NAALADL2: variants seen among roughly 807,000 people sequenced by gnomAD.
NAALADL2 encodes inactive N-acetylated-alpha-linked acidic dipeptidase-like protein 2.
In NAALADL2, 76 loss-of-function variants were observed where a neutral mutation model predicts 87.2. That is an observed-to-expected ratio of 0.87 (90% CI 0.72 to 1.05). The LOEUF is 1.05. Ranked by LOEUF, NAALADL2 falls within the 50% of genes least tolerant of loss-of-function variation. The pLI, the probability that NAALADL2 is intolerant of heterozygous loss-of-function variation, is 0.00. For synonymous variants in NAALADL2, 354 were observed against 331.0 expected (o/e 1.07, Z -0.75); for missense variants, 1,089 against 945.8 (o/e 1.15, Z -1.99).
chr3:175,486,238 G>A (rs1274163206), intron 9 of NAALADL2, among the ~76,000 whole-genome samples: 3 of 152,070 alleles, frequency 2.0e-5, no homozygotes, highest in African/African-American at 7.2e-5. Context: ...CAGTCAAAAG[G>A]GAATAACATA....
At chr3:175,021,329 A>C (rs1431061684) in intron 1 of NAALADL2, among the ~76,000 whole-genome samples, 1 of 152,082 alleles carries the variant, frequency 6.6e-6, no homozygotes, top group Admixed American at 6.6e-5. Context: ...GTATAGTACT[A>C]TACAAAGTAT....
At chr3:175,638,163 A>G (rs1194739009) in intron 11 of NAALADL2, among the ~76,000 whole-genome samples, 1 of 147,334 alleles carries the variant, frequency 6.8e-6, no homozygotes, top group Non-Finnish European at 1.5e-5. Context: ...TCTAAATTCA[A>G]TACATAAACA....
intron 1 of NAALADL2, among the ~76,000 whole-genome samples, chr3:174,964,967 T>C (rs1742658543): frequency 6.6e-6 from 1 of 152,054 alleles, no homozygotes; most frequent in Non-Finnish European, 1.5e-5. Context: ...GTTGTATTAC[T>C]TATGTATTGC....
At chr3:175,046,305 G>A (rs1464878482) in intron 1 of NAALADL2, among the ~76,000 whole-genome samples, 3 of 152,126 alleles carry the variant, frequency 2.0e-5, no homozygotes, top group African/African-American at 7.2e-5. Flanking sequence ...TGCTAGTGAT[G>A]CAATGCTGTT....
chr3:175,025,551 A>G (rs183252827), intron 1 of NAALADL2, among the ~76,000 whole-genome samples: 193 of 152,286 alleles, frequency 1.3e-3, no homozygotes, highest in African/African-American at 4.5e-3. Flanking sequence ...GGCAACGGCT[A>G]TTGTTATCAA....
At chr3:174,974,046 T>G (rs1452537889) in intron 1 of NAALADL2, among the ~76,000 whole-genome samples, 1 of 152,222 alleles carries the variant, frequency 6.6e-6, no homozygotes, top group Non-Finnish European at 1.5e-5. Context: ...GTATTGAAAC[T>G]TTGTAAGTAT....
chr3:174,487,511 A>G (rs537066269), intron 1 of NAALADL2, among the ~76,000 whole-genome samples: 1 of 152,150 alleles, frequency 6.6e-6, no homozygotes, highest in Non-Finnish European at 1.5e-5. Flanking sequence ...CACGTGAAGT[A>G]TACAAGAAAA....
Position 175,517,403 on chromosome 3 carries a change from G to C in NAALADL2, c.1653+45645G>C, listed in dbSNP as rs140936423. Among the ~76,000 whole-genome samples, 374 of 152,104 alleles carry C rather than the reference G, an allele frequency of 2.5e-3. 6 individuals are homozygous for C. The highest frequency in any genetic ancestry group is 0.014 in the East Asian group (75 of 5,174). ...TCAAAATATTTTTTTCTTTATTCAT[G>C]TCAATTTAGAAAATATTTTTTCTTA... is the stretch of plus-strand genomic sequence containing the variant. On this transcript the variant is annotated intron_variant, in intron 9 of 13. Coordinates refer to ENST00000454872, the MANE Select transcript of NAALADL2 (RefSeq NM_207015.3).
chr3:174,796,687 AC>A (rs1355144771), intron 3 of NAALADL2, among the ~76,000 whole-genome samples: 5 of 50,104 alleles, frequency 1.0e-4, no homozygotes, highest in Non-Finnish European at 2.1e-4. Context: ...AAATATGAGT[AC>A]ATGTCTCTTT....
At chr3:175,685,254 C>T (rs1426663926) in intron 11 of NAALADL2, among the ~76,000 whole-genome samples, 1 of 152,108 alleles carries the variant, frequency 6.6e-6, no homozygotes, top group African/African-American at 2.4e-5. Flanking sequence ...TAGCCATGCC[C>T]ATCAGCTTTC....
intron 2 of NAALADL2, among the ~76,000 whole-genome samples, chr3:174,700,086 T>C (rs1256681280): frequency 6.6e-6 from 1 of 150,626 alleles, no homozygotes; most frequent in Non-Finnish European, 1.5e-5. Flanking sequence ...AGATTTCTCT[T>C]AATTATTCTG....
At chr3:175,264,649 ATAAAT>A (rs1488880274) in intron 4 of NAALADL2, among the ~76,000 whole-genome samples, 7 of 151,766 alleles carry the variant, frequency 4.6e-5, no homozygotes, top group Admixed American at 2.6e-4. Context: ...AAATAAATGA[ATAAAT>A]TAATGTTAAA....
intron 2 of NAALADL2, among the ~76,000 whole-genome samples, chr3:174,601,473 C>A (rs1481328727): frequency 6.6e-6 from 1 of 152,010 alleles, no homozygotes; most frequent in East Asian, 1.9e-4. Flanking sequence ...ATCTTTTGCC[C>A]ATTTTAAAAT....
chr3:175,547,989 G>A (rs914796687), intron 9 of NAALADL2, among the ~76,000 whole-genome samples: 3 of 151,882 alleles, frequency 2.0e-5, no homozygotes, highest in African/African-American at 7.3e-5. Flanking sequence ...AGAAGACAGT[G>A]TGGTGATTCC....
At chr3:174,712,633 G>A (rs1236514694) in intron 2 of NAALADL2, among the ~76,000 whole-genome samples, 4 of 151,572 alleles carry the variant, frequency 2.6e-5, no homozygotes, top group East Asian at 1.9e-4. Flanking sequence ...TGATCCACCC[G>A]CCTCAGCCTC....
chr3:175,466,793 C>G (rs949258226), intron 7 of NAALADL2, among the ~76,000 whole-genome samples, 186 bp from the exon 8 acceptor site: 2 of 152,084 alleles, frequency 1.3e-5, no homozygotes, highest in African/African-American at 4.8e-5. Flanking sequence ...TCAGCAGCTG[C>G]CTCTGCTTTG....
chr3:175,188,568 A>G (rs368832111), intron 2 of NAALADL2, among the ~76,000 whole-genome samples: 3 of 152,066 alleles, frequency 2.0e-5, no homozygotes, highest in African/African-American at 7.2e-5. Context: ...GAGCTGTGCC[A>G]TCTCATCCTC....
chr3:175,738,633 T>G (rs559842679), intron 12 of NAALADL2, among the ~76,000 whole-genome samples: 7 of 152,310 alleles, frequency 4.6e-5, no homozygotes, highest in Non-Finnish European at 1.0e-4. Context: ...CTTATGATTT[T>G]ATTATAGTGA....
chr3:175,763,881 T>C (rs2902212), intron 13 of NAALADL2, among the ~76,000 whole-genome samples: 22,008 of 152,044 alleles, frequency 0.14, 1,685 homozygotes, highest in Middle Eastern at 0.21. Context: ...GATAGGTTTA[T>C]AGGGAAATTT....
Sources: allele counts gnomAD v4.1 joint callset (sites outside exome capture counted in the v4.1 genomes callset), GRCh38; gene constraint gnomAD v4.1.1; transcripts MANE v1.5; gene names NCBI Gene and HGNC (gene_info 2026-07-23, HGNC 2026-07-21).